Variants in JMJD1C observed in about 807,000 individuals in gnomAD.
JMJD1C encodes the protein jumonji domain-containing protein 1C.
A neutral mutation model predicts 245.3 loss-of-function variants in JMJD1C; 31 were observed. The observed-to-expected ratio is 0.13, with a 90% CI of 0.09 to 0.17. The LOEUF is 0.17. Ranked by LOEUF, JMJD1C falls within the 10% of genes least tolerant of loss-of-function variation. JMJD1C has a pLI of 1.00. For missense variants in JMJD1C, 2,691 were observed against 3,000.2 expected (o/e 0.90, Z 2.41); for synonymous variants, 1,057 against 1,017.4 (o/e 1.04, Z -0.74).
intron 1 of JMJD1C, among the ~76,000 whole-genome samples, chr10:63,452,857 AG>A (rs1424233504): frequency 1.3e-5 from 2 of 152,230 alleles, no homozygotes; most frequent in Admixed American, 1.3e-4. Context: ...TATGAAGGAC[AG>A]GCAAATTCAC....
chr10:63,367,507 A>G (rs1242536483), intron 2 of JMJD1C, among the ~76,000 whole-genome samples: 1 of 152,040 alleles, frequency 6.6e-6, no homozygotes, highest in Non-Finnish European at 1.5e-5. Context: ...CGGCCTCCCA[A>G]AGTGCTGGGA....
chr10:63,236,290 C>A (rs1474105996), intron 3 of JMJD1C, among the ~76,000 whole-genome samples: 1 of 152,110 alleles, frequency 6.6e-6, no homozygotes, highest in Non-Finnish European at 1.5e-5. Flanking sequence ...AATATTCCTG[C>A]ATTTTAACTA....
Position 63,207,639 on chromosome 10 carries a change from T to C in JMJD1C, c.4030A>G (p.Lys1344Glu), listed in dbSNP as rs751554397. Residue 1344 changes from lysine (K) to glutamate (E), a missense_variant, in exon 10 of 26, where the codon AAA becomes GAA. Physicochemically the swap from Lys to Glu is moderately conservative, Grantham distance 56. Transcript: ENST00000399262. ...CCAGTTTCTCCGGCTTCTGCTAGTT[T>C]GAGGCAATCTGTTTTATGTGCCCCA... ...SAGAHKTDCL[K>E]LAEAGETGRI... is the part of the protein sequence containing the mutation. 40 of 1,614,080 alleles carry C rather than the reference T, an allele frequency of 2.5e-5. No homozygotes were observed. Among genetic ancestry groups the C allele is most frequent in the Non-Finnish European group, 3.2e-5 (38 of 1,180,034 alleles).
intron 2 of JMJD1C, among the ~76,000 whole-genome samples, chr10:63,285,401 CCTG>C (rs1169605975): frequency 6.6e-6 from 1 of 152,152 alleles, no homozygotes; most frequent in Non-Finnish European, 1.5e-5. Flanking sequence ...CCAATCAGAC[CCTG>C]CTAAGCCAAC....
At chr10:63,211,118 G>C (rs1847264873) in intron 8 of JMJD1C, among the ~76,000 whole-genome samples, 1 of 152,178 alleles carries the variant, frequency 6.6e-6, no homozygotes. Context: ...AAAACTGGTA[G>C]ACCTTATGCA....
intron 1 of JMJD1C, among the ~76,000 whole-genome samples, chr10:63,444,362 C>CT (rs1360560343): frequency 1.3e-5 from 2 of 152,190 alleles, no homozygotes; most frequent in Non-Finnish European, 2.9e-5. Context: ...CAACCTCCGC[C>CT]TCCCAGGTTC....
intron 2 of JMJD1C, among the ~76,000 whole-genome samples, chr10:63,326,636 T>C (rs1031863186): frequency 6.6e-6 from 1 of 151,920 alleles, no homozygotes; most frequent in Non-Finnish European, 1.5e-5. Context: ...TCCCAGCACT[T>C]TGGGAGGCCG....
chr10:63,329,744 A>C (rs1432352425), intron 2 of JMJD1C, among the ~76,000 whole-genome samples: 1 of 152,224 alleles, frequency 6.6e-6, no homozygotes, highest in Non-Finnish European at 1.5e-5. Flanking sequence ...CTAGTGATAC[A>C]CCGTTGATAC....
At chr10:63,373,005 TC>T in intron 2 of JMJD1C, 1 of 250,320 alleles carries the variant, frequency 4.0e-6, no homozygotes, top group Non-Finnish European at 1.0e-5. Context: ...CAGAAGGTTT[TC>T]CTAAAGGAGA....
intron 2 of JMJD1C, among the ~76,000 whole-genome samples, chr10:63,274,813 A>C (rs936808455): frequency 6.6e-6 from 1 of 152,158 alleles, no homozygotes; most frequent in East Asian, 1.9e-4. Context: ...AGGGTATGCA[A>C]TAGTGAGGAA....
intron 1 of JMJD1C, among the ~76,000 whole-genome samples, chr10:63,513,948 C>G (rs1034204025): frequency 4.6e-5 from 7 of 151,096 alleles, no homozygotes; most frequent in African/African-American, 1.5e-4. Flanking sequence ...ATAAAATAAC[C>G]CCATTTAAAA....
chr10:63,506,035 TA>T (rs1005402976), intron 1 of JMJD1C, among the ~76,000 whole-genome samples: 9 of 152,160 alleles, frequency 5.9e-5, no homozygotes, highest in Non-Finnish European at 5.9e-5. Context: ...TAATAGCTGC[TA>T]ATTTGGCAGG....
chr10:63,507,594 G>A (rs1009962000), intron 1 of JMJD1C, among the ~76,000 whole-genome samples: 2 of 124,578 alleles, frequency 1.6e-5, no homozygotes, highest in East Asian at 5.3e-4. Context: ...GTAGTGAGCT[G>A]AGATTGCACC....
At chr10:63,267,734 A>G (rs547954731) in intron 2 of JMJD1C, among the ~76,000 whole-genome samples, 9 of 152,192 alleles carry the variant, frequency 5.9e-5, no homozygotes, top group African/African-American at 2.2e-4. Context: ...TTTCAATTTT[A>G]TTAGAGTGAG....
At chr10:63,368,532 A>G (rs1946040717) in intron 2 of JMJD1C, among the ~76,000 whole-genome samples, 1 of 152,174 alleles carries the variant, frequency 6.6e-6, no homozygotes, top group Non-Finnish European at 1.5e-5. Flanking sequence ...TCCAGCATCC[A>G]GGTAAGGGTC....
intron 1 of JMJD1C, among the ~76,000 whole-genome samples, chr10:63,482,392 T>C (rs574376937): frequency 4.6e-5 from 7 of 152,182 alleles, no homozygotes; most frequent in African/African-American, 1.7e-4. Flanking sequence ...TCCCAGCACT[T>C]TGGGAAGCTG....
At chr10:63,293,613 G>A (rs1859033883) in intron 2 of JMJD1C, among the ~76,000 whole-genome samples, 1 of 151,996 alleles carries the variant, frequency 6.6e-6, no homozygotes, top group Admixed American at 6.6e-5. Context: ...TGATCTAGCT[G>A]TCTAATTCTG....
chr10:63,427,374 C>A, intron 1 of JMJD1C: 1 of 1,054,200 alleles, frequency 9.5e-7, no homozygotes, highest in Non-Finnish European at 1.4e-6. Flanking sequence ...GGCATCAGTA[C>A]CCAAATCCCT....
chr10:63,200,812 C>T, intron 10 of JMJD1C, 135 bp from the exon 11 acceptor site: 1 of 708,946 alleles, frequency 1.4e-6, no homozygotes. Context: ...ACATTAAGAG[C>T]TCTAGGTACT....
Sources: allele counts gnomAD v4.1 joint callset (sites outside exome capture counted in the v4.1 genomes callset), GRCh38; gene constraint gnomAD v4.1.1; transcripts MANE v1.5; gene names NCBI Gene and HGNC (gene_info 2026-07-23, HGNC 2026-07-21).